SGCB: variants seen among roughly 807,000 people sequenced by gnomAD.
SGCB encodes the protein beta-sarcoglycan.
SGCB carries 25 observed loss-of-function variants against 27.3 expected under a neutral mutation model. The ratio of observed to expected loss-of-function variants is 0.92; its 90% confidence interval spans 0.67 to 1.28. The LOEUF is 1.28. SGCB is among the 50% of genes most tolerant of loss of function. The pLI, the probability that SGCB is intolerant of heterozygous loss-of-function variation, is 0.00. For synonymous variants in SGCB, 147 were observed against 133.5 expected, an observed-to-expected ratio of 1.10 and a Z score of -0.70; for missense variants, 436 against 402.1, an observed-to-expected ratio of 1.08 and a Z score of -0.72.
intron 5 of SGCB, among the ~76,000 whole-genome samples, chr4:52,025,036 G>A (rs749753526): frequency 9.2e-5 from 14 of 151,932 alleles, no homozygotes; most frequent in Admixed American, 2.0e-4. Flanking sequence ...GTGACTCTTA[G>A]GACTCTCTTG....
At chr4:52,032,561 G>C (rs902877385) in intron 2 of SGCB, among the ~76,000 whole-genome samples, 1 of 152,144 alleles carries the variant, frequency 6.6e-6, no homozygotes, top group African/African-American at 2.4e-5. Context: ...TCAGATTTGT[G>C]CTCCTAGTAA....
In SGCB at chr4:52,028,034, A is replaced by G. The variant is rs764409240; in HGVS notation, c.687T>C (p.Asn229=). The part of the protein sequence containing the change: ...KVDGRAIVRG[N]EGVFIMGKTI... The stretch of plus-strand genomic sequence containing the variant: ...TTTTGCCCATAATGAATACACCTTC[A>G]TTTCCACGCACAATAGCACGCCCAT... The change falls in exon 5 of 6, where the codon AAT becomes AAC. Residue 229 remains asparagine, a synonymous_variant. Coordinates refer to ENST00000381431, the MANE Select transcript of SGCB (RefSeq NM_000232.5). 2 of 1,613,426 alleles carry G rather than the reference A, an allele frequency of 1.2e-6. No individual in the cohort carries two copies. Among genetic ancestry groups the G allele is most frequent in the Non-Finnish European group, 1.7e-6 (2 of 1,179,398 alleles).
chr4:52,033,662 A>G (rs1352033173), intron 1 of SGCB, 22 bp from the exon 2 acceptor site: 2 of 1,557,486 alleles, frequency 1.3e-6, no homozygotes, highest in African/African-American at 1.4e-5. Context: ...ATACAACATA[A>G]TGGAACAGCT....
At position 52,028,764 on chromosome 4, in the gene SGCB, T is replaced by C. The variant is rs766580370; in HGVS notation, c.587A>G (p.Lys196Arg). 1.9e-6 allele frequency: 3 copies of C among 1,613,866 alleles called. No homozygotes were observed. In the South Asian group the frequency reaches 3.3e-5, roughly 18 times the overall value. Reference sequence around the variant, plus strand: ...AGATGCCTTTTGAACATTCAAACTTTTCACTCCACTTGGCAAATGAAACTC... The same window carrying C: ...AGATGCCTTTTGAACATTCAAACTTCTCACTCCACTTGGCAAATGAAACTC... ...THEFHLPSGV[K>R]SLNVQKASTE... Residue 196 changes from lysine to arginine, a missense_variant, in exon 4 of 6, where the codon AAA becomes AGA. By Grantham distance (26) the Lys-to-Arg change is conservative (BLOSUM62 2). Coordinates refer to ENST00000381431, the MANE Select transcript of SGCB (RefSeq NM_000232.5).
intron 2 of SGCB, among the ~76,000 whole-genome samples, chr4:52,030,565 T>C (rs999329432): frequency 5.9e-5 from 9 of 152,216 alleles, no homozygotes; most frequent in African/African-American, 2.2e-4. Context: ...AATCTCTCAA[T>C]ACAATTTTCT....
Position 52,022,784 on chromosome 4 carries a change from T to C in SGCB, c.*1173A>G, listed in dbSNP as rs1736988537. ...ACTCTGTTATGTATTGTTACTCCAG[T>C]GTGCCAAGGTCCATTGTTGGGAAAC... On this transcript the variant is annotated 3_prime_UTR_variant, in exon 6 of 6. Coordinates refer to ENST00000381431, the MANE Select transcript of SGCB (RefSeq NM_000232.5). 6.6e-6 allele frequency: 1 copy of C among 152,200 alleles called. No homozygotes were observed. Among genetic ancestry groups the C allele is most frequent in the African/African-American group, 2.4e-5 (1 of 41,458 alleles). 9.4% of individuals were successfully genotyped at this position (152,200 alleles called of 1,614,324 possible).
At chr4:52,030,781 ATCC>A (rs752026645) in intron 2 of SGCB, among the ~76,000 whole-genome samples, 1 of 152,172 alleles carries the variant, frequency 6.6e-6, no homozygotes, top group African/African-American at 2.4e-5. Flanking sequence ...AGTTTCCTGT[ATCC>A]TCATCTTTCT....
intron 1 of SGCB, among the ~76,000 whole-genome samples, chr4:52,034,607 C>T (rs537494586): frequency 6.6e-6 from 1 of 151,934 alleles, no homozygotes; most frequent in South Asian, 2.1e-4. Context: ...TTTGGGGGTC[C>T]TGAGACCAAT....
Position 52,023,758 on chromosome 4 carries a change from AG to A in SGCB, c.*198del, listed in dbSNP as rs1249857134. 1 of 540,210 alleles carries A rather than the reference AG, an allele frequency of 1.9e-6. No individual in the cohort carries two copies. The highest frequency in any genetic ancestry group is 3.3e-6 in the Non-Finnish European group (1 of 304,424). The allele number at this position is 540,210 out of a possible 1,614,324, so 33.5% of individuals were successfully genotyped here. ...TTATTTTAGAGAACAGTAAATATGA[AG>A]ATTAGTATAAATTAATAAAATGTAT... On this transcript the variant is annotated 3_prime_UTR_variant, in exon 6 of 6. Transcript: ENST00000381431.
chr4:52,032,373 G>C (rs1737271280), intron 2 of SGCB, among the ~76,000 whole-genome samples: 1 of 151,986 alleles, frequency 6.6e-6, no homozygotes, highest in South Asian at 2.1e-4. Context: ...CTCCTACTTT[G>C]TGTCTTCATT....
rs762831481 is a variant in SGCB, at chr4:52,028,925, C to CA, written c.430-5dup. 6.4e-5 allele frequency: 103 copies of CA among 1,601,472 alleles called. No homozygotes were observed. Among genetic ancestry groups the CA allele is most frequent in the Admixed American group, 1.3e-4 (8 of 59,472 alleles). On this transcript the variant is annotated splice_polypyrimidine_tract_variant and splice_region_variant and intron_variant, in intron 3 of 5. Transcript: ENST00000381431. ...TTGTCCCTTGCTGAAAAACAATCTT[C>CA]AAAAAAAACAGTTTATTGTGAATAT...
chr4:52,035,702 T>C (rs930833586), intron 1 of SGCB, among the ~76,000 whole-genome samples: 18 of 152,010 alleles, frequency 1.2e-4, no homozygotes, highest in Non-Finnish European at 2.5e-4. Flanking sequence ...GGACCTAAAC[T>C]AAAGTGGGAT....
At chr4:52,028,617 C>T (rs989830221) in intron 4 of SGCB, 113 bp downstream of exon 4, 14 of 816,188 alleles carry the variant, frequency 1.7e-5, no homozygotes, top group Middle Eastern at 7.2e-4. Context: ...GCCTGGGCGA[C>T]AGAGCGAAAC....
In SGCB at chr4:52,021,273, G is replaced by A. The variant is rs994887830; in HGVS notation, c.*2684C>T. On this transcript the variant is annotated 3_prime_UTR_variant, in exon 6 of 6. Transcript: ENST00000381431. ...TCATATCTGTGCTCAGTGCAGGGATGAGCATACAGCAGGAAGAGGCGAAGT... is the reference window on the plus strand; with the variant it reads ...TCATATCTGTGCTCAGTGCAGGGATAAGCATACAGCAGGAAGAGGCGAAGT... 2 of 152,250 alleles carry A rather than the reference G, an allele frequency of 1.3e-5. No individual in the cohort carries two copies. Among genetic ancestry groups the A allele is most frequent in the African/African-American group, 4.8e-5 (2 of 41,414 alleles). The allele number at this position is 152,250 out of a possible 1,614,324, so 9.4% of individuals were successfully genotyped here. A position where few individuals can be genotyped will look rare whatever the true frequency, so the allele number is the denominator to read the frequency against.
intron 2 of SGCB, among the ~76,000 whole-genome samples, chr4:52,031,122 G>A (rs1287749185): frequency 6.6e-6 from 1 of 151,986 alleles, no homozygotes; most frequent in African/African-American, 2.4e-5. Context: ...TAATGGCCTT[G>A]TTGTGTCTTT....
At position 52,022,577 on chromosome 4, in the gene SGCB, T is replaced by G. The variant is rs1352450298; in HGVS notation, c.*1380A>C. 6.6e-6 allele frequency: 1 copy of G among 152,230 alleles called. No homozygotes were observed. The highest frequency in any genetic ancestry group is 6.5e-5 in the Admixed American group (1 of 15,286). 9.4% of individuals were successfully genotyped at this position (152,230 alleles called of 1,614,324 possible). A position where few individuals can be genotyped will look rare whatever the true frequency, so the allele number is the denominator to read the frequency against. On this transcript the variant is annotated 3_prime_UTR_variant, in exon 6 of 6. Coordinates refer to ENST00000381431, the MANE Select transcript of SGCB (RefSeq NM_000232.5). ...AGGAGCAGAGATAAATTATTATCCT[T>G]ACCTAAAAATTATGTGTATTATTTC...
At chr4:52,029,552 T>C in intron 3 of SGCB, 126 bp downstream of exon 3, 1 of 630,790 alleles carries the variant, frequency 1.6e-6, no homozygotes, top group South Asian at 1.8e-5. Context: ...TATAGATATA[T>C]TATAAATATA....
intron 2 of SGCB, 23 bp downstream of exon 2, chr4:52,033,408 T>C: frequency 6.7e-7 from 1 of 1,500,028 alleles, no homozygotes; most frequent in Non-Finnish European, 9.3e-7. Context: ...GCAATTAAAA[T>C]GAGTATTCTT....
chr4:52,026,250 G>GTTTTTTTTTTTTTTT (rs71193050), intron 5 of SGCB, among the ~76,000 whole-genome samples: 1 of 101,646 alleles, frequency 9.8e-6, no homozygotes, highest in Non-Finnish European at 2.1e-5. Context: ...TTTGTTGTTG[G>GTTTTTTTTTTTTTTT]TTTTTTTTTT....
Sources: gnomAD v4.1 joint callset for allele counts (sites outside exome capture counted in the v4.1 genomes callset) on GRCh38, gnomAD v4.1.1 for gene constraint, MANE v1.5 for transcripts, NCBI Gene and HGNC (gene_info 2026-07-23, HGNC 2026-07-21) for gene names.